Variants in TTC6 observed in about 807,000 individuals in gnomAD.
TTC6 encodes tetratricopeptide repeat protein 6.
In TTC6, 172 loss-of-function variants were observed where a neutral mutation model predicts 210.4. That is an observed-to-expected ratio of 0.82 (90% CI 0.72 to 0.93). TTC6 has a LOEUF of 0.93. Ranked by LOEUF, TTC6 falls within the 40% of genes least tolerant of loss-of-function variation. The pLI, the probability that TTC6 is intolerant of heterozygous loss-of-function variation, is 0.00. For missense variants in TTC6, 2,414 were observed against 2,318.1 expected (o/e 1.04, Z -0.85); for synonymous variants, 804 against 819.6 (o/e 0.98, Z 0.32).
In TTC6 at chr14:37,701,639, G is replaced by A. The variant is rs921571766; in HGVS notation, c.1571+113G>A. On this transcript the variant is annotated intron_variant, in intron 5 of 30. Transcript: ENST00000553443. ...GATTCTGTTCTTGGACACTAAAGAG[G>A]AGGGAGCAGTTTTTGTTTTTTTCTG... 7 of 1,023,722 alleles carry A rather than the reference G, an allele frequency of 6.8e-6. No individual in the cohort carries two copies. The African/African-American group carries it at 1.1e-4, about 17-fold the overall frequency. 63.4% of individuals were successfully genotyped at this position (1,023,722 alleles called of 1,614,324 possible). A position where few individuals can be genotyped will look rare whatever the true frequency, so the allele number is the denominator to read the frequency against.
At chr14:37,683,657 GCTTAA>G (rs1338813242) in intron 3 of TTC6, among the ~76,000 whole-genome samples, 3 of 152,002 alleles carry the variant, frequency 2.0e-5, no homozygotes, top group Non-Finnish European at 2.9e-5. Context: ...CTTATACTGT[GCTTAA>G]CTTATAAATT....
intron 10 of TTC6, among the ~76,000 whole-genome samples, chr14:37,742,491 C>T (rs981260412): frequency 6.6e-6 from 1 of 152,022 alleles, no homozygotes; most frequent in Non-Finnish European, 1.5e-5. Context: ...CTCACTGCAA[C>T]CTCTGCCTCC....
chr14:37,703,033 G>T (rs868560979), intron 5 of TTC6, among the ~76,000 whole-genome samples: 1 of 151,986 alleles, frequency 6.6e-6, no homozygotes, highest in African/African-American at 2.4e-5. Context: ...AACTGCTCCA[G>T]TGTCTCCAAT....
intron 14 of TTC6, among the ~76,000 whole-genome samples, chr14:37,760,096 T>G (rs1285502051): frequency 6.6e-6 from 1 of 152,218 alleles, no homozygotes; most frequent in Non-Finnish European, 1.5e-5. Context: ...TTTTGGAATT[T>G]TCAGCTTTTT....
intron 1 of TTC6, among the ~76,000 whole-genome samples, chr14:37,596,596 G>A (rs963572881): frequency 6.6e-6 from 1 of 152,252 alleles, no homozygotes; most frequent in Non-Finnish European, 1.5e-5. Flanking sequence ...TTGGGAGATG[G>A]TGCGTGTGTT....
At chr14:37,601,962 C>T (rs1428995223) in intron 1 of TTC6, among the ~76,000 whole-genome samples, 1 of 152,214 alleles carries the variant, frequency 6.6e-6, no homozygotes, top group Non-Finnish European at 1.5e-5. Context: ...AAGGAAACAT[C>T]GGTGTTTAAA....
At chr14:37,695,413 G>A (rs367942590) in intron 3 of TTC6, among the ~76,000 whole-genome samples, 3 of 152,138 alleles carry the variant, frequency 2.0e-5, no homozygotes, top group African/African-American at 4.8e-5. Flanking sequence ...AGAATGCAAT[G>A]GCACAATCTT....
intron 24 of TTC6, among the ~76,000 whole-genome samples, chr14:37,811,230 A>G (rs968639047): frequency 2.0e-5 from 3 of 152,190 alleles, no homozygotes; most frequent in African/African-American, 7.2e-5. Flanking sequence ...GGTTTCACAT[A>G]ATGTGACTTA....
intron 14 of TTC6, among the ~76,000 whole-genome samples, chr14:37,783,011 G>A (rs1369491678): frequency 1.3e-5 from 2 of 152,172 alleles, no homozygotes; most frequent in Non-Finnish European, 2.9e-5. Flanking sequence ...TTTTTGATGT[G>A]CTGCTGGATT....
Position 37,736,319 on chromosome 14 carries a change from C to T in TTC6, c.1908+309C>T, listed in dbSNP as rs117006021. ...GGAGGATGGTTTGAGCCCAGGAGAT[C>T]GAGGGCAACAGTGGGAGACTGTCTC... On this transcript the variant is annotated intron_variant, in intron 8 of 30. Transcript: ENST00000553443. Among the ~76,000 whole-genome samples, 422 of 152,036 alleles carry T rather than the reference C, an allele frequency of 2.8e-3. 4 individuals are homozygous for T. The East Asian group carries it at 0.041, about 15-fold the overall frequency.
chr14:37,757,835 TC>T (rs2095972610), intron 14 of TTC6, among the ~76,000 whole-genome samples: 1 of 152,180 alleles, frequency 6.6e-6, no homozygotes. Flanking sequence ...GCTATAAATT[TC>T]CCTCTTAACT....
chr14:37,791,882 T>C, intron 16 of TTC6, among the ~76,000 whole-genome samples: 1 of 152,172 alleles, frequency 6.6e-6, no homozygotes, highest in Non-Finnish European at 1.5e-5. Context: ...CCCTTGAATA[T>C]GACTGTTTCT....
intron 1 of TTC6, among the ~76,000 whole-genome samples, chr14:37,628,270 GC>G (rs1394055857): frequency 6.6e-6 from 1 of 152,062 alleles, no homozygotes; most frequent in East Asian, 1.9e-4. Context: ...ACTGTGCCTG[GC>G]CTGTTTCCTG....
chr14:37,704,214 A>G (rs1446139665), intron 5 of TTC6, among the ~76,000 whole-genome samples: 1 of 152,002 alleles, frequency 6.6e-6, no homozygotes, highest in Non-Finnish European at 1.5e-5. Flanking sequence ...GAGTAGCACT[A>G]GGCTAATTAT....
chr14:37,787,266 A>C (rs1214994093), intron 14 of TTC6, among the ~76,000 whole-genome samples: 8 of 152,344 alleles, frequency 5.3e-5, no homozygotes, highest in South Asian at 2.1e-4. Context: ...ATAAGCATAT[A>C]ATTATGTATA....
chr14:37,660,887 A>G (rs1255113609), intron 1 of TTC6, among the ~76,000 whole-genome samples: 1 of 152,184 alleles, frequency 6.6e-6, no homozygotes, highest in East Asian at 1.9e-4. Context: ...TCTGACTGGC[A>G]TGAGATGGTA....
intron 14 of TTC6, 76 bp from the exon 17 acceptor site, chr14:37,787,392 A>G: frequency 3.0e-6 from 3 of 1,007,410 alleles, no homozygotes; most frequent in East Asian, 2.7e-5. Context: ...CAAATATAAA[A>G]TTAGTTGTAC....
intron 7 of TTC6, among the ~76,000 whole-genome samples, chr14:37,732,466 A>G (rs2095889691): frequency 6.6e-6 from 1 of 151,234 alleles, no homozygotes. Context: ...TACAGTCGTG[A>G]GCCACCACGC....
At chr14:37,750,446 T>G (rs1052790381) in intron 12 of TTC6, among the ~76,000 whole-genome samples, 2 of 152,214 alleles carry the variant, frequency 1.3e-5, no homozygotes, top group African/African-American at 4.8e-5. Flanking sequence ...CCTTTTACTA[T>G]GATGATTAAA....
Sources: allele counts gnomAD v4.1 joint callset (sites outside exome capture counted in the v4.1 genomes callset), GRCh38; gene constraint gnomAD v4.1.1; transcripts MANE v1.5; gene names NCBI Gene and HGNC (gene_info 2026-07-23, HGNC 2026-07-21).